Variants in KDM6A observed in about 807,000 individuals in gnomAD.
The protein encoded by KDM6A is lysine-specific demethylase 6A.
Under a neutral mutation model 117.6 loss-of-function variants are expected in KDM6A, and 11 were observed. That is an observed-to-expected ratio of 0.09 (90% confidence interval 0.06 to 0.15). KDM6A has a LOEUF of 0.15. KDM6A is among the 10% of genes least tolerant of loss of function. The pLI is 1.00. For synonymous variants in KDM6A, 384 were observed against 396.1 expected, an observed-to-expected ratio of 0.97 and a Z score of 0.36; for missense variants, 799 against 1,077.3, an observed-to-expected ratio of 0.74 and a Z score of 3.62.
chrX:45,031,752 G>A, intron 6 of KDM6A, among the ~76,000 whole-genome samples: 1 of 111,702 alleles, frequency 9.0e-6, no homozygotes. Context: ...ACTATATACA[G>A]CTAGAAATAA....
chrX:45,077,853 A>G (rs2045205328), intron 19 of KDM6A, among the ~76,000 whole-genome samples: 1 of 111,426 alleles, frequency 9.0e-6, no homozygotes, highest in African/African-American at 3.3e-5. Context: ...AAGCATATTC[A>G]CATTGGTGTC....
intron 4 of KDM6A, 39 bp downstream of exon 4, chrX:44,974,754 T>C: frequency 9.7e-7 from 1 of 1,027,408 alleles, no homozygotes; most frequent in Non-Finnish European, 1.4e-6. Context: ...TGTTTGTGTT[T>C]TGGGCAGATT....
In KDM6A at chrX:45,037,443, A is replaced by C. The variant is rs776726045; in HGVS notation, c.620-212A>C. Among the ~76,000 whole-genome samples, 8 of 112,428 alleles carry C rather than the reference A, an allele frequency of 7.1e-5. No homozygotes were observed. In the South Asian group the frequency reaches 2.9e-3, roughly 41 times the overall value. The stretch of plus-strand genomic sequence containing the variant: ...TTCATTTGATAATGACCAACAATGA[A>C]TACATGTGGTTTCTTATCATGATTG... On this transcript the variant is annotated intron_variant, in intron 7 of 29. Transcript: ENST00000611820.
chrX:45,104,352 T>C (rs2046451995), intron 27 of KDM6A, among the ~76,000 whole-genome samples: 1 of 112,969 alleles, frequency 8.9e-6, no homozygotes, highest in Admixed American at 9.3e-5. Context: ...TACCATAAGG[T>C]AAACTTACAG....
chrX:45,084,977 C>A (rs939215682), intron 24 of KDM6A, among the ~76,000 whole-genome samples: 5 of 111,254 alleles, frequency 4.5e-5, no homozygotes, highest in African/African-American at 6.5e-5. Flanking sequence ...AACTGAGGTC[C>A]CCAGAGGATT....
chrX:45,026,300 T>C (rs1162422259), intron 6 of KDM6A, among the ~76,000 whole-genome samples: 1 of 111,715 alleles, frequency 9.0e-6, no homozygotes, highest in African/African-American at 3.3e-5. Flanking sequence ...TGTACCATAC[T>C]CTTCTTTAGG....
At chrX:44,974,796 C>G (rs2039537659) in intron 4 of KDM6A, 81 bp downstream of exon 4, 1 of 731,255 alleles carries the variant, frequency 1.4e-6, no homozygotes, top group East Asian at 3.2e-5. Context: ...TAATTGAGCT[C>G]TTGCTTTTTT....
At chrX:45,061,461 T>G (rs974644082) in intron 15 of KDM6A, 42 bp downstream of exon 15, 1 of 638,443 alleles carries the variant, frequency 1.6e-6, no homozygotes, top group Non-Finnish European at 2.5e-6. Flanking sequence ...TAAAAAGGAG[T>G]AGAGGTAGCA....
chrX:45,105,118 A>AG (rs913478529), intron 27 of KDM6A, among the ~76,000 whole-genome samples: 1 of 111,578 alleles, frequency 9.0e-6, no homozygotes, highest in Non-Finnish European at 1.9e-5. Context: ...CTCATCTTCG[A>AG]GGGGGAGTGG....
intron 27 of KDM6A, among the ~76,000 whole-genome samples, chrX:45,093,183 G>C (rs1264989754): frequency 9.2e-6 from 1 of 108,877 alleles, no homozygotes; most frequent in Non-Finnish European, 1.9e-5. Flanking sequence ...AGGAGTTTGA[G>C]ACCAGGCTGG....
intron 2 of KDM6A, among the ~76,000 whole-genome samples, chrX:44,888,084 ATCATGAGGTTGGGAG>A (rs994633360): frequency 1.8e-5 from 2 of 111,104 alleles, no homozygotes; most frequent in African/African-American, 6.5e-5. Context: ...AGGCGGGTGG[ATCATGAGGTTGGGAG>A]TTCAAGACCA....
At chrX:44,944,073 C>T (rs557862469) in intron 2 of KDM6A, among the ~76,000 whole-genome samples, 11 of 111,139 alleles carry the variant, frequency 9.9e-5, no homozygotes, top group East Asian at 2.8e-4. Context: ...ACATGTGGGC[C>T]GGGCATGGTG....
chrX:44,911,369 C>T (rs1258189158), intron 2 of KDM6A, among the ~76,000 whole-genome samples: 3 of 104,538 alleles, frequency 2.9e-5, no homozygotes, highest in East Asian at 3.2e-4. Context: ...CGGGCAGAGA[C>T]GCTCCTCACC....
intron 27 of KDM6A, chrX:45,107,058 C>T (rs1014317677): frequency 5.2e-6 from 1 of 193,012 alleles, no homozygotes; most frequent in East Asian, 1.4e-4. Flanking sequence ...CCTTATTTCA[C>T]GGATGAGGAA....
intron 4 of KDM6A, among the ~76,000 whole-genome samples, chrX:44,999,263 G>A (rs1363679501): frequency 1.8e-5 from 2 of 112,112 alleles, no homozygotes; most frequent in African/African-American, 6.5e-5. Flanking sequence ...CTATAGAAGG[G>A]TGCGCCCTTA....
chrX:45,041,911 T>G (rs1602699876), intron 8 of KDM6A, among the ~76,000 whole-genome samples: 1 of 104,737 alleles, frequency 9.5e-6, no homozygotes, highest in Non-Finnish European at 2.0e-5. Context: ...GGCTGGGAGG[T>G]GGAGGTTGTA....
chrX:44,883,065 G>GT (rs56794838), intron 2 of KDM6A, among the ~76,000 whole-genome samples: 21,278 of 99,437 alleles, frequency 0.21, 4,037 homozygotes, highest in African/African-American at 0.59. Flanking sequence ...GAGCAGTTAA[G>GT]TTTTTTTTTT....
rs768608426 is a variant in KDM6A, at chrX:45,062,877, T to C, written c.1683+129T>C. The C allele has an allele frequency of 2.9e-5, 14 of 477,756 alleles. No homozygotes were observed. In the Middle Eastern group the frequency reaches 1.7e-3, roughly 59 times the overall value. 39.4% of individuals were successfully genotyped at this position (477,756 alleles called of 1,213,427 possible). A position where few individuals can be genotyped will look rare whatever the true frequency, so the allele number is the denominator to read the frequency against. On this transcript the variant is annotated intron_variant, in intron 16 of 29. Coordinates refer to ENST00000611820, the MANE Select transcript of KDM6A (RefSeq NM_001291415.2). Reference sequence around the variant, plus strand: ...TGGTATTTGACAGAATTTAGTAATCTCTGTATTTTAAAATACTGGTAATTG... The same window carrying C: ...TGGTATTTGACAGAATTTAGTAATCCCTGTATTTTAAAATACTGGTAATTG...
rs2032729426 is a variant in KDM6A, at chrX:44,885,098, A to G, written c.225+11111A>G. ...TACCCATGCTGAGTGCATTGGCATG[A>G]TCACTGCTCACTACAGCCTGACCTC... On this transcript the variant is annotated intron_variant, in intron 2 of 29. Transcript: ENST00000611820. Among the ~76,000 whole-genome samples the G allele has an allele frequency of 2.8e-5, 3 of 106,685 alleles. No individual in the cohort carries two copies. In the Admixed American group the frequency reaches 3.1e-4, roughly 11 times the overall value. 92.6% of individuals were successfully genotyped at this position (106,685 alleles called of 115,157 possible).
Sources: gnomAD v4.1 joint callset for allele counts (sites outside exome capture counted in the v4.1 genomes callset) on GRCh38, gnomAD v4.1.1 for gene constraint, MANE v1.5 for transcripts, NCBI Gene and HGNC (gene_info 2026-07-23, HGNC 2026-07-21) for gene names.